The following NECAB1 variants were observed in gnomAD, a reference collection of about 807,000 sequenced individuals.
NECAB1 encodes N-terminal EF-hand calcium binding protein 1.
A neutral mutation model predicts 57.5 loss-of-function variants in NECAB1; 29 were observed. The ratio of observed to expected loss-of-function variants is 0.50; its 90% CI spans 0.38 to 0.69. The LOEUF (loss-of-function observed/expected upper bound fraction) is 0.69, where lower values mean the gene tolerates loss of function less well. Among genes scored for constraint, NECAB1 ranks in the 30% least tolerant of loss-of-function variants. The probability of loss-of-function intolerance (pLI) is 0.00; values close to 1 mark genes in which losing one functional copy is unlikely to be tolerated. For synonymous variants in NECAB1, 142 were observed against 147.7 expected (o/e 0.96, Z 0.28); for missense variants, 372 against 413.8 (o/e 0.90, Z 0.88).
chr8:90,901,751 C>T (rs1809508601), intron 5 of NECAB1, among the ~76,000 whole-genome samples: 1 of 152,112 alleles, frequency 6.6e-6, no homozygotes, highest in Non-Finnish European at 1.5e-5. Flanking sequence ...ATACTCTGTT[C>T]TTGTCATTAA....
chr8:90,910,117 C>T (rs978400621), intron 5 of NECAB1, among the ~76,000 whole-genome samples: 3 of 151,710 alleles, frequency 2.0e-5, no homozygotes, highest in African/African-American at 4.8e-5. Flanking sequence ...GGAAATAATA[C>T]TTTTCTTCCA....
intron 3 of NECAB1, among the ~76,000 whole-genome samples, chr8:90,838,393 A>G (rs1235161407): frequency 6.6e-6 from 1 of 152,250 alleles, no homozygotes; most frequent in African/African-American, 2.4e-5. Flanking sequence ...TGAGCTATAT[A>G]TACATTTAAG....
At chr8:90,807,974 T>G (rs1251890425) in intron 2 of NECAB1, among the ~76,000 whole-genome samples, 1 of 152,166 alleles carries the variant, frequency 6.6e-6, no homozygotes, top group Non-Finnish European at 1.5e-5. Flanking sequence ...AATGATTTTT[T>G]TAACAAAATA....
chr8:90,940,959 T>G, intron 10 of NECAB1, 61 bp downstream of exon 10: 1 of 1,262,774 alleles, frequency 7.9e-7, no homozygotes, highest in Non-Finnish European at 1.1e-6. Context: ...GTGAAGGCAT[T>G]TCTTACTTTA....
At chr8:90,942,371 A>G (rs1810691842) in intron 10 of NECAB1, among the ~76,000 whole-genome samples, 1 of 152,220 alleles carries the variant, frequency 6.6e-6, no homozygotes, top group South Asian at 2.1e-4. Context: ...GTACTTCCTC[A>G]GTGCCACTAA....
intron 4 of NECAB1, among the ~76,000 whole-genome samples, chr8:90,878,996 TATAG>T (rs951135337): frequency 9.0e-5 from 13 of 144,918 alleles, no homozygotes; most frequent in African/African-American, 3.0e-4. Flanking sequence ...ATATATTATA[TATAG>T]ATATCTATAT....
At chr8:90,876,182 A>G (rs1275278411) in intron 4 of NECAB1, among the ~76,000 whole-genome samples, 1 of 152,176 alleles carries the variant, frequency 6.6e-6, no homozygotes, top group Non-Finnish European at 1.5e-5. Flanking sequence ...GACCTGTGCC[A>G]GCAAGTCTGA....
At chr8:90,907,139 TGTGTGTGTGTGTGA>T (rs1229898187) in intron 5 of NECAB1, among the ~76,000 whole-genome samples, 15 of 123,678 alleles carry the variant, frequency 1.2e-4, no homozygotes, top group Non-Finnish European at 2.3e-4. Flanking sequence ...TGTGTGTGTG[TGTGTGTGTGTGTGA>T]GAGAGAGAGA....
intron 5 of NECAB1, 116 bp downstream of exon 5, chr8:90,881,246 T>C: frequency 1.5e-6 from 1 of 686,672 alleles, no homozygotes; most frequent in African/African-American, 1.8e-5. Flanking sequence ...TAGTTTATTT[T>C]TCTTCATACT....
chr8:90,885,728 T>C (rs1563517686), intron 5 of NECAB1, among the ~76,000 whole-genome samples: 1 of 152,190 alleles, frequency 6.6e-6, no homozygotes, highest in South Asian at 2.1e-4. Flanking sequence ...TGTGGTTCCA[T>C]ATGCACATAC....
In NECAB1 at chr8:90,957,829, A is replaced by AT. The variant is rs1811059755; in HGVS notation, c.*2318dup. On this transcript the variant is annotated 3_prime_UTR_variant, in exon 13 of 13. Transcript: ENST00000417640. ...TTTTCCTAAAGAACAAAGTAGTAAA[A>AT]TAAAAAAAAATTTAAAAAATTAAAA... 6.6e-6 allele frequency: 1 copy of AT among 150,702 alleles called. No individual in the cohort carries two copies. Among genetic ancestry groups the AT allele is most frequent in the Admixed American group, 6.6e-5 (1 of 15,126 alleles). 9.3% of individuals were successfully genotyped at this position (150,702 alleles called of 1,614,324 possible).
chr8:90,830,119 A>G (rs1400097233), intron 3 of NECAB1, among the ~76,000 whole-genome samples: 2 of 152,060 alleles, frequency 1.3e-5, no homozygotes, highest in Non-Finnish European at 2.9e-5. Context: ...CGCTGTGGGC[A>G]GTAGAAAAAG....
intron 12 of NECAB1, among the ~76,000 whole-genome samples, chr8:90,952,693 C>T (rs946312772): frequency 3.9e-5 from 6 of 152,016 alleles, no homozygotes; most frequent in African/African-American, 1.4e-4. Context: ...AGGAGAATTG[C>T]TTGAACCCAG....
At chr8:90,872,887 A>C (rs1808644583) in intron 4 of NECAB1, among the ~76,000 whole-genome samples, 1 of 152,186 alleles carries the variant, frequency 6.6e-6, no homozygotes, top group Non-Finnish European at 1.5e-5. Context: ...GCTGCTCAAA[A>C]CATTTTTGGT....
At chr8:90,878,943 CTTAT>C (rs1808779266) in intron 4 of NECAB1, among the ~76,000 whole-genome samples, 2 of 146,286 alleles carry the variant, frequency 1.4e-5, no homozygotes, top group African/African-American at 5.0e-5. Context: ...TAAGTATTTT[CTTAT>C]TTATCTTCTA....
chr8:90,799,074 G>GT (rs2130641538), intron 1 of NECAB1, among the ~76,000 whole-genome samples: 1 of 152,050 alleles, frequency 6.6e-6, no homozygotes, highest in South Asian at 2.1e-4. Flanking sequence ...GCATTTTTTC[G>GT]TATGTTTGTT....
intron 6 of NECAB1, among the ~76,000 whole-genome samples, chr8:90,918,916 G>A (rs892699035): frequency 2.6e-5 from 4 of 152,050 alleles, no homozygotes; most frequent in Non-Finnish European, 5.9e-5. Flanking sequence ...TTGAAAATGT[G>A]GAAATGATGG....
chr8:90,917,937 TG>T (rs1810010433), intron 6 of NECAB1, among the ~76,000 whole-genome samples: 1 of 41,448 alleles, frequency 2.4e-5, no homozygotes, highest in Non-Finnish European at 3.5e-5. Flanking sequence ...TATATGTGTA[TG>T]TGTGTATATA....
chr8:90,833,096 G>A (rs1016760573), intron 3 of NECAB1, among the ~76,000 whole-genome samples: 1 of 152,006 alleles, frequency 6.6e-6, no homozygotes, highest in Non-Finnish European at 1.5e-5. Flanking sequence ...TTGCTACAAT[G>A]TAGAAATGTT....
Sources: gnomAD v4.1 joint callset for allele counts (sites outside exome capture counted in the v4.1 genomes callset) on GRCh38, gnomAD v4.1.1 for gene constraint, MANE v1.5 for transcripts, NCBI Gene and HGNC (gene_info 2026-07-23, HGNC 2026-07-21) for gene names.